The following DMD variants were observed in gnomAD, a reference collection of about 807,000 sequenced individuals.
DMD encodes mutant dystrophin.
A neutral mutation model predicts 330.1 loss-of-function variants in DMD; 63 were observed. The ratio of observed to expected loss-of-function variants is 0.19; its 90% CI spans 0.16 to 0.24. DMD has a LOEUF of 0.24. DMD is among the 10% of genes least tolerant of loss of function. DMD has a pLI of 1.00. For missense variants in DMD, 3,344 were observed against 2,684.1 expected, an observed-to-expected ratio of 1.25 and a Z score of -5.43; for synonymous variants, 1,223 against 959.8, an observed-to-expected ratio of 1.27 and a Z score of -5.07.
intron 7 of DMD, among the ~76,000 whole-genome samples, chrX:32,701,583 T>A (rs916535511): frequency 1.7e-4 from 19 of 111,411 alleles, no homozygotes; most frequent in Middle Eastern, 4.7e-3. Flanking sequence ...TTCTAGAAAA[T>A]GTTCTTCCTT....
At chrX:32,199,878 T>C (rs139821474) in intron 44 of DMD, among the ~76,000 whole-genome samples, 1,752 of 106,451 alleles carry the variant, frequency 0.016, 44 homozygotes, top group African/African-American at 0.057. Context: ...AGACTCAAAC[T>C]TCTGGGCTCA....
chrX:32,105,072 G>A (rs765309339), intron 44 of DMD, among the ~76,000 whole-genome samples: 1 of 111,966 alleles, frequency 8.9e-6, no homozygotes, highest in African/African-American at 3.2e-5. Context: ...ATGTGCAGGG[G>A]TATGAGGAAA....
chrX:31,758,532 T>TTCTC (rs750775079), intron 51 of DMD, among the ~76,000 whole-genome samples: 1 of 110,094 alleles, frequency 9.1e-6, no homozygotes, highest in African/African-American at 3.3e-5. Flanking sequence ...TGAAACATGT[T>TTCTC]TCTCTCTCTC....
chrX:32,557,689 A>T (rs2050463791), intron 16 of DMD, among the ~76,000 whole-genome samples: 1 of 111,940 alleles, frequency 8.9e-6, no homozygotes, highest in Non-Finnish European at 1.9e-5. Context: ...AAAATCTGGT[A>T]AAGATTTGCA....
chrX:33,258,960 C>T (rs759402116), intron 1 of DMD, among the ~76,000 whole-genome samples: 1 of 110,736 alleles, frequency 9.0e-6, no homozygotes, highest in Non-Finnish European at 1.9e-5. Flanking sequence ...CAGAGTAATA[C>T]CAGGCTGAAT....
At chrX:33,247,853 A>G (rs1256937912) in intron 1 of DMD, among the ~76,000 whole-genome samples, 9 of 111,229 alleles carry the variant, frequency 8.1e-5, no homozygotes, top group Non-Finnish European at 1.7e-4. Flanking sequence ...ATAGAACACA[A>G]TTATCAACTA....
chrX:32,390,759 A>G (rs1031349696), intron 30 of DMD, among the ~76,000 whole-genome samples: 1 of 111,272 alleles, frequency 9.0e-6, no homozygotes, highest in East Asian at 2.8e-4. Context: ...GTCTTAAGCA[A>G]TTCTCCTGTC....
At chrX:33,279,454 T>C (rs1223016481) in intron 1 of DMD, among the ~76,000 whole-genome samples, 1 of 111,151 alleles carries the variant, frequency 9.0e-6, no homozygotes, top group Non-Finnish European at 1.9e-5. Context: ...ACAGGGTTTT[T>C]TTTTTTTTAA....
chrX:32,609,669 C>G (rs764125847), intron 12 of DMD, among the ~76,000 whole-genome samples: 15 of 111,306 alleles, frequency 1.3e-4, no homozygotes, highest in Non-Finnish European at 2.8e-4. Flanking sequence ...ATCTTGGCAA[C>G]CCAAATGTCT....
intron 2 of DMD, among the ~76,000 whole-genome samples, chrX:32,863,995 C>T (rs1029942633): frequency 8.9e-6 from 1 of 112,359 alleles, no homozygotes; most frequent in African/African-American, 3.2e-5. Flanking sequence ...TAAAGAAGAT[C>T]TTCTGTCAAA....
At chrX:32,901,769 G>T (rs1267221714) in intron 2 of DMD, among the ~76,000 whole-genome samples, 4 of 110,597 alleles carry the variant, frequency 3.6e-5, no homozygotes, top group African/African-American at 1.3e-4. Context: ...AATAAACAGA[G>T]TTTAGTATAG....
At chrX:32,103,857 C>T (rs1251889116) in intron 44 of DMD, among the ~76,000 whole-genome samples, 2 of 111,525 alleles carry the variant, frequency 1.8e-5, no homozygotes, top group South Asian at 3.7e-4. Flanking sequence ...AACCTTTTTT[C>T]CCCCCAGTGG....
intron 45 of DMD, among the ~76,000 whole-genome samples, chrX:31,947,785 G>A (rs1281930311): frequency 1.8e-5 from 2 of 111,055 alleles, no homozygotes; most frequent in Admixed American, 1.9e-4. Context: ...CATAATCAAG[G>A]TAACCAAGTA....
At chrX:32,862,808 C>T in intron 2 of DMD, among the ~76,000 whole-genome samples, 1 of 111,215 alleles carries the variant, frequency 9.0e-6, no homozygotes, top group Non-Finnish European at 1.9e-5. Context: ...GTGATCTTGG[C>T]TCACTGCAAC....
chrX:32,832,471 C>T (rs747585874), intron 4 of DMD, among the ~76,000 whole-genome samples: 3 of 110,134 alleles, frequency 2.7e-5, no homozygotes, highest in Non-Finnish European at 3.8e-5. Flanking sequence ...ATATATAAAC[C>T]GAGAAGTTCC....
At chrX:32,059,202 A>T (rs1241320623) in intron 44 of DMD, among the ~76,000 whole-genome samples, 1 of 111,462 alleles carries the variant, frequency 9.0e-6, no homozygotes, top group African/African-American at 3.3e-5. Context: ...ACAATACTGT[A>T]TTGTGCACTT....
At chrX:31,813,548 A>G (rs1318151554) in intron 50 of DMD, among the ~76,000 whole-genome samples, 1 of 112,170 alleles carries the variant, frequency 8.9e-6, no homozygotes, top group Non-Finnish European at 1.9e-5. Context: ...GCCTTCTGCC[A>G]TGATTGTGAG....
intron 62 of DMD, among the ~76,000 whole-genome samples, chrX:31,305,582 A>G (rs1199801711): frequency 9.0e-6 from 1 of 111,656 alleles, no homozygotes; most frequent in African/African-American, 3.3e-5. Flanking sequence ...CCACACTACT[A>G]TCTGGTCTCC....
At chrX:31,508,274 T>C (rs1219291268) in intron 55 of DMD, 1 of 1,199,737 alleles carries the variant, frequency 8.3e-7, no homozygotes, top group East Asian at 3.0e-5. Flanking sequence ...ACTGATCCTG[T>C]TGCATAGCAA....
Sources: allele counts gnomAD v4.1 joint callset (sites outside exome capture counted in the v4.1 genomes callset), GRCh38; gene constraint gnomAD v4.1.1; transcripts MANE v1.5; gene names NCBI Gene and HGNC (gene_info 2026-07-23, HGNC 2026-07-21).